TFCP2L1: variants seen among roughly 807,000 people sequenced by gnomAD.
TFCP2L1 encodes the protein transcription factor CP2 like 1, also known as transcription factor CP2-like protein 1.
In TFCP2L1, 12 loss-of-function variants were observed where a neutral mutation model predicts 72.2. That is an observed-to-expected ratio of 0.17 (90% CI 0.11 to 0.27). TFCP2L1 has a LOEUF of 0.27. Ranked by LOEUF, TFCP2L1 falls within the 10% of genes least tolerant of loss-of-function variation. TFCP2L1 has a pLI of 1.00. For missense variants in TFCP2L1, 488 were observed against 624.6 expected (o/e 0.78, Z 2.33); for synonymous variants, 260 against 251.0 (o/e 1.04, Z -0.34).
At chr2:121,275,148 G>T (rs556833808) in intron 2 of TFCP2L1, among the ~76,000 whole-genome samples, 1 of 152,182 alleles carries the variant, frequency 6.6e-6, no homozygotes, top group Admixed American at 6.5e-5. Flanking sequence ...ACTTTGGGAG[G>T]CCAAGGCAGG....
intron 2 of TFCP2L1, among the ~76,000 whole-genome samples, chr2:121,274,354 G>A (rs1470337234): frequency 1.3e-5 from 2 of 152,102 alleles, no homozygotes. Flanking sequence ...GAAACTTTTT[G>A]AGTCCTGACG....
At chr2:121,229,590 A>ATT (rs1686099587) in intron 13 of TFCP2L1, among the ~76,000 whole-genome samples, 1 of 152,198 alleles carries the variant, frequency 6.6e-6, no homozygotes, top group Non-Finnish European at 1.5e-5. Context: ...TACATCCCCA[A>ATT]AACTAAAAAG....
intron 10 of TFCP2L1, among the ~76,000 whole-genome samples, chr2:121,237,316 G>A (rs1056737955): frequency 1.3e-5 from 2 of 152,174 alleles, no homozygotes; most frequent in African/African-American, 2.4e-5. Flanking sequence ...TCACCCTGCC[G>A]GGCTAAGGGG....
intron 10 of TFCP2L1, 74 bp from the exon 11 acceptor site, chr2:121,235,385 A>AC (rs969848322): frequency 9.3e-7 from 1 of 1,074,400 alleles, no homozygotes; most frequent in African/African-American, 1.6e-5. Flanking sequence ...CCAGCTGCAG[A>AC]CCCCATAGCA....
intron 2 of TFCP2L1, among the ~76,000 whole-genome samples, chr2:121,254,112 G>A (rs1056627677): frequency 1.3e-5 from 2 of 152,208 alleles, no homozygotes; most frequent in South Asian, 2.1e-4. Flanking sequence ...ATGAGAAGGC[G>A]CGGGTCGTGT....
chr2:121,231,044 C>T (rs1401361966), intron 13 of TFCP2L1, among the ~76,000 whole-genome samples: 1 of 152,224 alleles, frequency 6.6e-6, no homozygotes, highest in African/African-American at 2.4e-5. Flanking sequence ...CCACCCCTTA[C>T]CCACTGTTCA....
intron 1 of TFCP2L1, among the ~76,000 whole-genome samples, chr2:121,283,867 C>T (rs1687311925): frequency 6.6e-6 from 1 of 152,258 alleles, no homozygotes; most frequent in Admixed American, 6.5e-5. Context: ...AACATCTCCT[C>T]CTGGGCTTCC....
intron 6 of TFCP2L1, among the ~76,000 whole-genome samples, chr2:121,243,629 A>C (rs1478147786): frequency 1.3e-5 from 2 of 152,108 alleles, no homozygotes; most frequent in East Asian, 3.9e-4. Flanking sequence ...TTAGATCCTC[A>C]TAAGAGGGCA....
chr2:121,251,345 T>G (rs886070271), intron 2 of TFCP2L1, among the ~76,000 whole-genome samples: 3 of 152,236 alleles, frequency 2.0e-5, no homozygotes, highest in Non-Finnish European at 4.4e-5. Flanking sequence ...TGGTACATTA[T>G]CAAAACTACA....
chr2:121,281,309 C>T (rs1420702452), intron 1 of TFCP2L1, 38 bp from the exon 2 acceptor site: 3 of 1,553,034 alleles, frequency 1.9e-6, no homozygotes, highest in Non-Finnish European at 2.6e-6. Context: ...GAGCAGAGCC[C>T]CAGGGGGCTC....
intron 2 of TFCP2L1, among the ~76,000 whole-genome samples, chr2:121,278,530 A>G (rs1687192906): frequency 6.7e-6 from 1 of 150,112 alleles, no homozygotes; most frequent in African/African-American, 2.4e-5. Flanking sequence ...TACTAAAAAT[A>G]CAAAAATTAG....
At chr2:121,281,062 C>T (rs1305697066) in intron 2 of TFCP2L1, 58 bp downstream of exon 2, 15 of 1,607,676 alleles carry the variant, frequency 9.3e-6, no homozygotes, top group African/African-American at 6.7e-5. Flanking sequence ...ATGGGCCTTT[C>T]GCATCAGCTC....
chr2:121,265,822 C>T (rs962175856), intron 2 of TFCP2L1, among the ~76,000 whole-genome samples: 1 of 151,630 alleles, frequency 6.6e-6, no homozygotes, highest in South Asian at 2.1e-4. Context: ...AAACACCTTC[C>T]TCATTCAGAG....
At chr2:121,283,278 T>C (rs1287208090) in intron 1 of TFCP2L1, among the ~76,000 whole-genome samples, 1 of 152,092 alleles carries the variant, frequency 6.6e-6, no homozygotes, top group Non-Finnish European at 1.5e-5. Context: ...TCAGACAGCT[T>C]GCAGAAGTTC....
intron 2 of TFCP2L1, among the ~76,000 whole-genome samples, chr2:121,273,296 A>ACTC (rs747400612): frequency 9.3e-5 from 14 of 150,216 alleles, no homozygotes; most frequent in Non-Finnish European, 1.9e-4. Flanking sequence ...GCTCTCCCGG[A>ACTC]CTCCTCCTCC....
rs745611314 is a variant in TFCP2L1, at chr2:121,281,184, C to A, written c.150G>T (p.Val50=). 6.2e-7 allele frequency: 1 copy of A among 1,613,768 alleles called. No homozygotes were observed. Among genetic ancestry groups the A allele is most frequent in the Admixed American group, 1.7e-5 (1 of 59,956 alleles). The change falls in exon 2 of 15, where the codon GTG becomes GTT. Residue 50 remains valine (V), a synonymous_variant. Transcript: ENST00000263707. ...CGGCTGGGGACGTGGCAGCACACAA[C>A]ACATATTGCAGGGGTGGCAGGCGGG... ...NEARLPPLQY[V]LCAATSPAVK...
chr2:121,259,623 G>A (rs1274744102), intron 2 of TFCP2L1, among the ~76,000 whole-genome samples: 1 of 152,098 alleles, frequency 6.6e-6, no homozygotes, highest in Non-Finnish European at 1.5e-5. Context: ...TTACAAAAAG[G>A]CTTAGGCAGA....
intron 1 of TFCP2L1, among the ~76,000 whole-genome samples, chr2:121,284,240 G>A (rs1687321305): frequency 6.6e-6 from 1 of 152,156 alleles, no homozygotes; most frequent in South Asian, 2.1e-4. Flanking sequence ...CATAAACTGT[G>A]ACTAAGATGG....
chr2:121,272,320 C>T (rs1432532422), intron 2 of TFCP2L1, among the ~76,000 whole-genome samples: 1 of 152,164 alleles, frequency 6.6e-6, no homozygotes, highest in Non-Finnish European at 1.5e-5. Context: ...AGAAGTACCA[C>T]CCTAAAGGCT....
Sources: gnomAD v4.1 joint callset for allele counts (sites outside exome capture counted in the v4.1 genomes callset) on GRCh38, gnomAD v4.1.1 for gene constraint, MANE v1.5 for transcripts, NCBI Gene and HGNC (gene_info 2026-07-23, HGNC 2026-07-21) for gene names.